The following AP3B1 variants were observed in gnomAD, a reference collection of about 807,000 sequenced individuals.
The protein encoded by AP3B1 is AP-3 complex subunit beta-1.
Under a neutral mutation model 132.5 loss-of-function variants are expected in AP3B1, and 61 were observed. That is an observed-to-expected ratio of 0.46 (90% CI 0.37 to 0.57). AP3B1 has a LOEUF of 0.57. AP3B1 is among the 20% of genes least tolerant of loss of function. The pLI, the probability that AP3B1 is intolerant of heterozygous loss-of-function variation, is 0.00. For synonymous variants in AP3B1, 388 were observed against 438.3 expected, an observed-to-expected ratio of 0.89 and a Z score of 1.43; for missense variants, 1,120 against 1,289.4, an observed-to-expected ratio of 0.87 and a Z score of 2.01.
intron 15 of AP3B1, among the ~76,000 whole-genome samples, chr5:78,129,671 C>T (rs12658982): frequency 1.3e-5 from 2 of 152,134 alleles, no homozygotes; most frequent in African/African-American, 2.4e-5. Context: ...AAAACTTAAT[C>T]GGAAAAATAT....
chr5:78,153,121 G>A (rs1440973244), intron 14 of AP3B1, among the ~76,000 whole-genome samples: 1 of 152,126 alleles, frequency 6.6e-6, no homozygotes, highest in East Asian at 1.9e-4. Flanking sequence ...TCTGTCCAAT[G>A]CTGAAAGTGG....
chr5:78,281,153 G>A (rs558418511), intron 1 of AP3B1, among the ~76,000 whole-genome samples: 3 of 152,140 alleles, frequency 2.0e-5, no homozygotes, highest in African/African-American at 4.8e-5. Flanking sequence ...AACAATTCTC[G>A]GCCGGGCGCA....
At chr5:78,055,237 C>T (rs755701893) in intron 22 of AP3B1, among the ~76,000 whole-genome samples, 3 of 152,210 alleles carry the variant, frequency 2.0e-5, no homozygotes, top group Non-Finnish European at 4.4e-5. Flanking sequence ...CACTCCTGCA[C>T]TGTGGCACTG....
At chr5:78,210,296 G>A (rs1745681516) in intron 7 of AP3B1, among the ~76,000 whole-genome samples, 1 of 152,028 alleles carries the variant, frequency 6.6e-6, no homozygotes, top group Admixed American at 6.6e-5. Flanking sequence ...TCTGGATGTG[G>A]AGTTCATGAA....
At chr5:78,025,384 A>G (rs1471043107) in intron 24 of AP3B1, among the ~76,000 whole-genome samples, 1 of 152,144 alleles carries the variant, frequency 6.6e-6, no homozygotes, top group Non-Finnish European at 1.5e-5. Context: ...TGCAGGGGGT[A>G]GGGAAAGCGA....
chr5:78,186,078 T>G (rs371723716), intron 7 of AP3B1, among the ~76,000 whole-genome samples: 1 of 152,126 alleles, frequency 6.6e-6, no homozygotes, highest in Admixed American at 6.5e-5. Context: ...TAAATCAGTA[T>G]GCTGATTAAA....
intron 14 of AP3B1, among the ~76,000 whole-genome samples, chr5:78,146,432 C>G (rs1753398512): frequency 6.6e-6 from 1 of 152,184 alleles, no homozygotes; most frequent in Non-Finnish European, 1.5e-5. Flanking sequence ...GCTTTTCATT[C>G]TCCTTAAGTT....
chr5:78,131,814 G>C (rs1010689929), intron 15 of AP3B1, among the ~76,000 whole-genome samples: 9 of 152,088 alleles, frequency 5.9e-5, no homozygotes, highest in African/African-American at 1.9e-4. Flanking sequence ...CTGTTTGCAA[G>C]ACTTGTTTCT....
chr5:78,026,976 T>C (rs1747363850), intron 24 of AP3B1, among the ~76,000 whole-genome samples: 1 of 152,186 alleles, frequency 6.6e-6, no homozygotes, highest in Non-Finnish European at 1.5e-5. Context: ...TCCCTTTTCA[T>C]TGATTGTGAG....
intron 18 of AP3B1, 151 bp downstream of exon 18, chr5:78,115,975 A>G (rs778408471): frequency 1.4e-6 from 1 of 693,594 alleles, no homozygotes; most frequent in Non-Finnish European, 2.6e-6. Flanking sequence ...TTTGAAAACT[A>G]AAGAGTGATA....
intron 17 of AP3B1, among the ~76,000 whole-genome samples, chr5:78,119,907 A>G (rs1036457198): frequency 6.6e-6 from 1 of 152,214 alleles, no homozygotes; most frequent in Non-Finnish European, 1.5e-5. Flanking sequence ...CCAAACTTGA[A>G]ATGAAGGAAA....
chr5:78,202,888 G>C (rs1485580886), intron 7 of AP3B1, among the ~76,000 whole-genome samples: 1 of 152,164 alleles, frequency 6.6e-6, no homozygotes, highest in African/African-American at 2.4e-5. Context: ...TAGGTGTAAT[G>C]TGTACTGATG....
chr5:78,128,043 T>C lies in AP3B1; in HGVS notation c.1955A>G (p.Glu652Gly), dbSNP rs749631874. 6 of 1,612,856 alleles carry C rather than the reference T, an allele frequency of 3.7e-6. No individual in the cohort carries two copies. Among genetic ancestry groups the C allele is most frequent in the South Asian group, 1.1e-5 (1 of 91,072 alleles). ...VAPDPSVRNVEVIELAKEWTP... is the reference protein window; with the variant it reads ...VAPDPSVRNVGVIELAKEWTP... ...AGGTCAACTTACCAACTCTATTACT[T>C]CTACATTTCGAACTGATGGGTCGGG... Residue 652 changes from glutamate to glycine, a missense_variant, in exon 17 of 27, where the codon GAA (glutamate) becomes GGA (glycine). By Grantham distance (98) the Glu-to-Gly change is moderately conservative. Coordinates refer to ENST00000255194, the MANE Select transcript of AP3B1 (RefSeq NM_003664.5).
At chr5:78,069,207 G>A (rs1375997331) in intron 22 of AP3B1, among the ~76,000 whole-genome samples, 1 of 152,156 alleles carries the variant, frequency 6.6e-6, no homozygotes, top group Non-Finnish European at 1.5e-5. Context: ...ACAAGACAAG[G>A]ATGCTCTCTC....
At chr5:78,109,541 G>A (rs1751484267) in intron 20 of AP3B1, among the ~76,000 whole-genome samples, 1 of 152,120 alleles carries the variant, frequency 6.6e-6, no homozygotes. Context: ...CCAGTTATAG[G>A]AAGGGGGTGA....
At chr5:78,273,522 A>T (rs1243356892) in intron 1 of AP3B1, among the ~76,000 whole-genome samples, 1 of 152,172 alleles carries the variant, frequency 6.6e-6, no homozygotes, top group Non-Finnish European at 1.5e-5. Flanking sequence ...TTGAGGAGAC[A>T]AATGTTGAAT....
At chr5:78,056,935 G>A (rs996081428) in intron 22 of AP3B1, among the ~76,000 whole-genome samples, 2 of 152,122 alleles carry the variant, frequency 1.3e-5, no homozygotes, top group Non-Finnish European at 2.9e-5. Flanking sequence ...ATTGGCTATG[G>A]CAGCATTTGT....
At chr5:78,111,043 C>T (rs547720812) in intron 19 of AP3B1, among the ~76,000 whole-genome samples, 1 of 152,178 alleles carries the variant, frequency 6.6e-6, no homozygotes, top group Admixed American at 6.5e-5. Context: ...TAGGCTTGAG[C>T]CACCACACCT....
intron 1 of AP3B1, 70 bp downstream of exon 1, chr5:78,294,382 C>CCCTGGCGCCCACT (rs1362327000): frequency 6.2e-7 from 1 of 1,609,560 alleles, no homozygotes; most frequent in Non-Finnish European, 8.5e-7. Context: ...AGGAAGCCCA[C>CCCTGGCGCCCACT]CCTGGCGCCC....
Sources: gnomAD v4.1 joint callset for allele counts (sites outside exome capture counted in the v4.1 genomes callset) on GRCh38, gnomAD v4.1.1 for gene constraint, MANE v1.5 for transcripts, NCBI Gene and HGNC (gene_info 2026-07-23, HGNC 2026-07-21) for gene names.